SPON1: variants seen among roughly 807,000 people sequenced by gnomAD.
SPON1 encodes the protein spondin-1.
A neutral mutation model predicts 111.7 loss-of-function variants in SPON1; 52 were observed. The ratio of observed to expected loss-of-function variants is 0.47; its 90% CI spans 0.37 to 0.59. SPON1 has a LOEUF of 0.59. Among genes scored for constraint, SPON1 ranks in the 20% least tolerant of loss-of-function variants. SPON1 has a pLI of 0.00. For synonymous variants in SPON1, 410 were observed against 395.8 expected (o/e 1.04, Z -0.43); for missense variants, 957 against 1,068.5 (o/e 0.90, Z 1.46).
chr11:13,988,682 G>GT (rs1848204383), intron 2 of SPON1, among the ~76,000 whole-genome samples: 1 of 152,112 alleles, frequency 6.6e-6, no homozygotes, highest in South Asian at 2.1e-4. Context: ...TTGGCTGTGG[G>GT]TTTGTCATAA....
At chr11:14,065,107 C>A (rs2133824936) in intron 3 of SPON1, among the ~76,000 whole-genome samples, 1 of 152,296 alleles carries the variant, frequency 6.6e-6, no homozygotes, top group South Asian at 2.1e-4. Flanking sequence ...GAGCAAGCAT[C>A]TCCCAACAGC....
chr11:14,042,568 G>C (rs1848640012), intron 3 of SPON1, among the ~76,000 whole-genome samples: 1 of 152,154 alleles, frequency 6.6e-6, no homozygotes. Context: ...TGGGTAGATG[G>C]AGAGGGTTCC....
chr11:14,166,194 T>TAA (rs1848027893), intron 6 of SPON1, among the ~76,000 whole-genome samples: 1 of 152,178 alleles, frequency 6.6e-6, no homozygotes, highest in Non-Finnish European at 1.5e-5. Context: ...CTTGGTAAAA[T>TAA]AACCAGTTTA....
At chr11:14,032,041 G>A (rs550813240) in intron 2 of SPON1, among the ~76,000 whole-genome samples, 12 of 152,284 alleles carry the variant, frequency 7.9e-5, no homozygotes, top group African/African-American at 2.6e-4. Context: ...AATGTTCAAC[G>A]TGCTGAGGTT....
chr11:14,144,633 C>CTAATAATAATAATAA (rs782316295), intron 6 of SPON1, among the ~76,000 whole-genome samples: 1,339 of 123,968 alleles, frequency 0.011, 26 homozygotes, highest in East Asian at 0.022. Flanking sequence ...GACTCCATCT[C>CTAATAATAATAATAA]CAATAATAAT....
At chr11:14,215,234 A>T (rs1035030796) in intron 6 of SPON1, among the ~76,000 whole-genome samples, 1 of 152,062 alleles carries the variant, frequency 6.6e-6, no homozygotes, top group African/African-American at 2.4e-5. Flanking sequence ...GCCATTTGTA[A>T]TATGTCATCA....
intron 6 of SPON1, among the ~76,000 whole-genome samples, chr11:14,234,363 G>A (rs1420085623): frequency 6.6e-6 from 1 of 152,200 alleles, no homozygotes; most frequent in South Asian, 2.1e-4. Flanking sequence ...GTAGAAGATG[G>A]GGAGGCGGAC....
At chr11:14,118,955 AG>A (rs1387876532) in intron 5 of SPON1, among the ~76,000 whole-genome samples, 2 of 152,250 alleles carry the variant, frequency 1.3e-5, no homozygotes, top group African/African-American at 4.8e-5. Flanking sequence ...GACATGATGC[AG>A]GGAACATGCT....
rs372168741 is a variant in SPON1 at position 14,259,494 on chromosome 11, G to A, written c.1664-40G>A. 3.6e-4 allele frequency: 568 copies of A among 1,575,930 alleles called. 6 individuals carry two copies. The highest frequency in any genetic ancestry group is 3.0e-3 in the Middle Eastern group (18 of 6,008). The stretch of plus-strand genomic sequence containing the variant: ...CGGGCAGGCGGGCAAGTAGGTCGGG[G>A]AGGCAGCAGGTGCGACTCCAATGCC... On this transcript the variant is annotated intron_variant, in intron 12 of 15. Coordinates refer to ENST00000576479, the MANE Select transcript of SPON1 (RefSeq NM_006108.4). The surrounding 1 kb of genome is among the most constrained non-coding windows in gnomAD (Gnocchi z 5.0).
chr11:14,084,617 A>G (rs1300987042), intron 5 of SPON1, among the ~76,000 whole-genome samples: 1 of 152,214 alleles, frequency 6.6e-6, no homozygotes, highest in Admixed American at 6.5e-5. Context: ...ATAAATATGC[A>G]TGTGTCTTTA....
intron 7 of SPON1, 71 bp downstream of exon 7, chr11:14,243,467 C>T: frequency 8.2e-7 from 1 of 1,225,930 alleles, no homozygotes; most frequent in Non-Finnish European, 1.2e-6. Context: ...ACCTAATGGC[C>T]ACCACATACC....
intron 6 of SPON1, among the ~76,000 whole-genome samples, chr11:14,204,130 G>A (rs782668710): frequency 4.6e-5 from 7 of 152,160 alleles, no homozygotes; most frequent in Non-Finnish European, 1.0e-4. Context: ...AAATCCTTGG[G>A]AGACCCCGAT....
intron 3 of SPON1, among the ~76,000 whole-genome samples, chr11:14,055,297 A>T (rs1033642633): frequency 6.6e-6 from 1 of 152,186 alleles, no homozygotes; most frequent in Admixed American, 6.5e-5. Context: ...TCCCACCCAA[A>T]GGAAAACTTT....
chr11:14,242,298 G>A (rs1048226641), intron 6 of SPON1, among the ~76,000 whole-genome samples: 3 of 152,204 alleles, frequency 2.0e-5, no homozygotes, highest in Non-Finnish European at 4.4e-5. Flanking sequence ...TCTAAGGACT[G>A]TAGCCTTGTC....
chr11:13,968,819 C>T (rs1291759558), intron 1 of SPON1, among the ~76,000 whole-genome samples: 2 of 152,094 alleles, frequency 1.3e-5, no homozygotes, highest in African/African-American at 4.8e-5. Context: ...ACTCCGTTGG[C>T]AAAAATTCAG....
chr11:14,198,809 T>A (rs1848430613), intron 6 of SPON1, among the ~76,000 whole-genome samples: 1 of 152,240 alleles, frequency 6.6e-6, no homozygotes, highest in Non-Finnish European at 1.5e-5. Context: ...GAAATGAACT[T>A]ACTTAATAAT....
In SPON1 at chr11:14,266,607, G is replaced by C. The variant is rs887597534; in HGVS notation, c.*920G>C. Reference sequence around the variant, plus strand: ...GTTCAAGTTTGCAAATCAGTTTTTAGCAAGAAAACATTTTTGCTATACAAA... The same window carrying C: ...GTTCAAGTTTGCAAATCAGTTTTTACCAAGAAAACATTTTTGCTATACAAA... On this transcript the variant is annotated 3_prime_UTR_variant, in exon 16 of 16. Coordinates refer to ENST00000576479, the MANE Select transcript of SPON1 (RefSeq NM_006108.4). The C allele has an allele frequency of 3.2e-4, 49 of 152,032 alleles. No individual in the cohort carries two copies. Among genetic ancestry groups the C allele is most frequent in the African/African-American group, 1.2e-3 (49 of 41,464 alleles). The allele number at this position is 152,032 out of a possible 1,614,324, so 9.4% of individuals were successfully genotyped here.
chr11:14,263,171 AG>A (rs1477126047), intron 15 of SPON1, 196 bp downstream of exon 15: 9 of 601,082 alleles, frequency 1.5e-5, no homozygotes, highest in Admixed American at 3.2e-5. Context: ...TAATTTATAA[AG>A]GAGATTGGCG....
intron 6 of SPON1, among the ~76,000 whole-genome samples, chr11:14,207,709 A>G (rs1236640821): frequency 6.6e-6 from 1 of 152,208 alleles, no homozygotes; most frequent in African/African-American, 2.4e-5. Flanking sequence ...AAGTCAAAAC[A>G]TAACACATGC....
Sources: allele counts gnomAD v4.1 joint callset (sites outside exome capture counted in the v4.1 genomes callset), GRCh38; gene constraint gnomAD v4.1.1; non-coding constraint Gnocchi (gnomAD v3.1); transcripts MANE v1.5; gene names NCBI Gene and HGNC (gene_info 2026-07-23, HGNC 2026-07-21).